The following SLC25A30 variants were observed in gnomAD, a reference collection of about 807,000 sequenced individuals.
SLC25A30 encodes kidney mitochondrial carrier protein 1.
SLC25A30 carries 29 observed loss-of-function variants against 42.7 expected under a neutral mutation model. The ratio of observed to expected loss-of-function variants is 0.68; its 90% CI spans 0.51 to 0.93. The LOEUF (loss-of-function observed/expected upper bound fraction) is 0.93, where lower values mean the gene tolerates loss of function less well. Ranked by LOEUF, SLC25A30 falls within the 40% of genes least tolerant of loss-of-function variation. SLC25A30 has a pLI of 0.00. For missense variants in SLC25A30, 300 were observed against 359.7 expected (o/e 0.83, Z 1.34); for synonymous variants, 124 against 131.0 (o/e 0.95, Z 0.37).
intron 3 of SLC25A30, 54 bp from the exon 4 acceptor site, chr13:45,406,031 G>A (rs1347379608): frequency 3.2e-6 from 5 of 1,547,620 alleles, no homozygotes; most frequent in East Asian, 2.3e-5. Context: ...ACTTAACATC[G>A]GCTAGGCAAC....
At chr13:45,412,011 T>A (rs907266153) in intron 1 of SLC25A30, 1 of 4,992 alleles carries the variant, frequency 2.0e-4, no homozygotes, top group Non-Finnish European at 3.8e-4. Flanking sequence ...TTACTGGGGG[T>A]GGGGGGGTGG....
chr13:45,421,887 G>A (rs1271292783), upstream of SLC25A30, among the ~76,000 whole-genome samples: 2 of 152,114 alleles, frequency 1.3e-5, no homozygotes, highest in East Asian at 1.9e-4. Flanking sequence ...CCTCACCCAT[G>A]CACTTGCCCC....
At chr13:45,413,387 C>G (rs150398960) in intron 1 of SLC25A30, among the ~76,000 whole-genome samples, 20 of 152,254 alleles carry the variant, frequency 1.3e-4, no homozygotes, top group African/African-American at 4.3e-4. Context: ...TCCAATAATT[C>G]ATTTACCACC....
chr13:45,421,379 CAAA>C (rs368665089), upstream of SLC25A30, among the ~76,000 whole-genome samples: 133 of 83,348 alleles, frequency 1.6e-3, no homozygotes, highest in Middle Eastern at 7.0e-3. Flanking sequence ...ACTCCATCTC[CAAA>C]AAAAAAAAAA....
intron 8 of SLC25A30, chr13:45,398,114 A>C (rs750757125): frequency 2.2e-5 from 21 of 938,596 alleles, no homozygotes; most frequent in Non-Finnish European, 2.4e-5. Flanking sequence ...GAACCACAAA[A>C]GTGGCCCCTG....
At chr13:45,424,614 T>TATAAAC in the SLC25A30 span, among the ~76,000 whole-genome samples, 59 of 59,706 alleles carry the variant, frequency 9.9e-4, 4 homozygotes, top group Middle Eastern at 0.019. Flanking sequence ...TATAAATATA[T>TATAAAC]ATAAATATAT....
At chr13:45,424,117 A>T in the SLC25A30 span, among the ~76,000 whole-genome samples, 1 of 88,830 alleles carries the variant, frequency 1.1e-5, no homozygotes, top group South Asian at 4.0e-4. Context: ...ATATATATAA[A>T]TATATATAAA....
the SLC25A30 span, among the ~76,000 whole-genome samples, chr13:45,430,993 C>T: frequency 6.6e-6 from 1 of 151,976 alleles, no homozygotes; most frequent in Admixed American, 6.6e-5. Context: ...CCAATGGTCC[C>T]ACCTAGTTCT....
At chr13:45,404,266 A>C in intron 5 of SLC25A30, 61 bp downstream of exon 5, 4 of 1,142,226 alleles carry the variant, frequency 3.5e-6, no homozygotes, top group Non-Finnish European at 5.3e-6. Flanking sequence ...CCATTACCCG[A>C]ATGTTGTTCT....
At chr13:45,407,968 C>T (rs1016255143) in intron 3 of SLC25A30, among the ~76,000 whole-genome samples, 15 of 152,222 alleles carry the variant, frequency 9.9e-5, no homozygotes, top group Admixed American at 6.5e-5. Context: ...TCCTACATGA[C>T]AGCCCTGCTT....
chr13:45,423,673 C>T, the SLC25A30 span, among the ~76,000 whole-genome samples: 3,623 of 7,230 alleles, frequency 0.5, 378 homozygotes, highest in African/African-American at 0.57. Context: ...ATATAAAATA[C>T]ATATTTATAT....
intron 4 of SLC25A30, 138 bp downstream of exon 4, chr13:45,405,741 TTAAC>T (rs1343885949): frequency 1.5e-6 from 1 of 656,766 alleles, no homozygotes; most frequent in African/African-American, 1.8e-5. Context: ...TTCAGCACAA[TTAAC>T]TAAGACTTTA....
chr13:45,424,863 A>T, the SLC25A30 span, among the ~76,000 whole-genome samples: 95 of 32,864 alleles, frequency 2.9e-3, 12 homozygotes, highest in African/African-American at 0.011. Context: ...TATATATATA[A>T]AAATATATAT....
intron 1 of SLC25A30, among the ~76,000 whole-genome samples, chr13:45,417,310 C>A (rs989297401): frequency 2.0e-5 from 3 of 152,152 alleles, no homozygotes; most frequent in Non-Finnish European, 4.4e-5. Flanking sequence ...CGCTCCCAGC[C>A]GTTTCTCTTA....
chr13:45,424,437 A>G, the SLC25A30 span, among the ~76,000 whole-genome samples: 3 of 47,198 alleles, frequency 6.4e-5, 1 homozygote, highest in Non-Finnish European at 1.3e-4. Context: ...ATATATATAT[A>G]AATATATAAA....
intron 3 of SLC25A30, 27 bp downstream of exon 3, chr13:45,408,900 C>T: frequency 6.3e-7 from 1 of 1,581,382 alleles, no homozygotes; most frequent in East Asian, 2.3e-5. Context: ...TGAACAGTGA[C>T]ACAGAAATGC....
chr13:45,396,403 A>G (rs755121460), intron 9 of SLC25A30: 30 of 998,426 alleles, frequency 3.0e-5, no homozygotes, highest in Non-Finnish European at 3.7e-5. Context: ...CTTCCTTGGG[A>G]GGCAGGAGCT....
the SLC25A30 span, among the ~76,000 whole-genome samples, chr13:45,423,677 T>TA: frequency 5.9e-4 from 2 of 3,414 alleles, no homozygotes; most frequent in African/African-American, 7.6e-4. Flanking sequence ...AAAATACATA[T>TA]TTATATAAAT....
At position 45,394,758 on chromosome 13, in the gene SLC25A30, T is replaced by C. The variant is rs1881190928; in HGVS notation, c.*1216A>G. The C allele has an allele frequency of 1.0e-6, 1 of 985,150 alleles. No homozygotes were observed. The highest frequency in any genetic ancestry group is 1.2e-6 in the Non-Finnish European group (1 of 829,726). 61.0% of individuals were successfully genotyped at this position (985,150 alleles called of 1,614,324 possible). On this transcript the variant is annotated 3_prime_UTR_variant, in exon 10 of 10. Transcript: ENST00000519676. Reference sequence around the variant, plus strand: ...CAGAAGGAAAGAAAAAGGGAAAATATTACATACCACCTATCAGAAACTAGC... The same window carrying C: ...CAGAAGGAAAGAAAAAGGGAAAATACTACATACCACCTATCAGAAACTAGC...
Sources: allele counts gnomAD v4.1 joint callset (sites outside exome capture counted in the v4.1 genomes callset), GRCh38; gene constraint gnomAD v4.1.1; transcripts MANE v1.5; gene names NCBI Gene and HGNC (gene_info 2026-07-23, HGNC 2026-07-21).